The following AAGAB variants were observed in gnomAD, a reference collection of about 807,000 sequenced individuals.
AAGAB encodes alpha and gamma adaptin binding protein, also known as alpha- and gamma-adaptin-binding protein p34.
In AAGAB, 38 loss-of-function variants were observed where a neutral mutation model predicts 44.1. The observed-to-expected ratio is 0.86, with a 90% CI of 0.67 to 1.13. The LOEUF is 1.13. Among genes scored for constraint, AAGAB ranks in the 50% most tolerant of loss-of-function variants. The pLI, the probability that AAGAB is intolerant of heterozygous loss-of-function variation, is 0.00. For missense variants in AAGAB, 450 were observed against 373.8 expected, an observed-to-expected ratio of 1.20 and a Z score of -1.68; for synonymous variants, 131 against 131.8, an observed-to-expected ratio of 0.99 and a Z score of 0.04.
chr15:67,229,766 T>C (rs1964292331), intron 5 of AAGAB, among the ~76,000 whole-genome samples: 1 of 152,084 alleles, frequency 6.6e-6, no homozygotes, highest in African/African-American at 2.4e-5. Context: ...ATATTCTATT[T>C]TTATAAAACC....
intron 5 of AAGAB, among the ~76,000 whole-genome samples, chr15:67,213,370 TA>T (rs889393624): frequency 1.3e-5 from 2 of 152,102 alleles, no homozygotes; most frequent in Middle Eastern, 6.3e-3. Context: ...AATAAGAAGT[TA>T]AAAAAACTTG....
intron 1 of AAGAB, among the ~76,000 whole-genome samples, chr15:67,253,454 A>C (rs1033282294): frequency 6.6e-6 from 1 of 151,910 alleles, no homozygotes; most frequent in African/African-American, 2.4e-5. Flanking sequence ...AAAGGAGAGA[A>C]AAGAGAAAGT....
intron 1 of AAGAB, among the ~76,000 whole-genome samples, chr15:67,239,005 A>G (rs910069240): frequency 6.6e-6 from 1 of 152,202 alleles, no homozygotes; most frequent in African/African-American, 2.4e-5. Flanking sequence ...ATTCTTGGGT[A>G]ATTTTTAAAA....
intron 5 of AAGAB, among the ~76,000 whole-genome samples, chr15:67,228,425 T>C (rs1964254923): frequency 6.6e-6 from 1 of 152,154 alleles, no homozygotes; most frequent in Admixed American, 6.5e-5. Context: ...GATAACCACA[T>C]AAATGAAAAT....
intron 1 of AAGAB, among the ~76,000 whole-genome samples, chr15:67,240,268 T>A (rs998087623): frequency 6.6e-6 from 1 of 152,186 alleles, no homozygotes; most frequent in Non-Finnish European, 1.5e-5. Flanking sequence ...TTTTTTGTTG[T>A]TGTTTTTTTG....
chr15:67,224,876 T>A (rs1016140727), intron 5 of AAGAB, among the ~76,000 whole-genome samples: 7 of 152,254 alleles, frequency 4.6e-5, no homozygotes, highest in African/African-American at 1.7e-4. Context: ...CCACCGCACC[T>A]GGCCAAAAGT....
chr15:67,231,783 A>T, intron 5 of AAGAB, 31 bp downstream of exon 5: 1 of 1,517,190 alleles, frequency 6.6e-7, no homozygotes, highest in Non-Finnish European at 9.1e-7. Context: ...GAACAAGAGG[A>T]AAAAAATGAC....
intron 7 of AAGAB, among the ~76,000 whole-genome samples, chr15:67,204,780 C>A (rs763861226): frequency 1.3e-5 from 2 of 152,158 alleles, no homozygotes; most frequent in Non-Finnish European, 2.9e-5. Flanking sequence ...TGTTTTTAAT[C>A]AGAATTTTAA....
chr15:67,211,824 C>T (rs1963826991), intron 5 of AAGAB, among the ~76,000 whole-genome samples: 1 of 152,096 alleles, frequency 6.6e-6, no homozygotes, highest in South Asian at 2.1e-4. Context: ...AAGAATAATG[C>T]AATACAATGT....
At chr15:67,254,405 G>A in intron 1 of AAGAB, 154 bp downstream of exon 1, 1 of 1,427,658 alleles carries the variant, frequency 7.0e-7, no homozygotes. Flanking sequence ...AAGAGATAGG[G>A]GCAGCCACCT....
intron 5 of AAGAB, among the ~76,000 whole-genome samples, chr15:67,229,893 C>T (rs1406176762): frequency 6.6e-6 from 1 of 152,142 alleles, no homozygotes; most frequent in Non-Finnish European, 1.5e-5. Context: ...TGTCGCCAGA[C>T]TGGAGTGCAG....
intron 7 of AAGAB, 49 bp from the exon 8 acceptor site, chr15:67,204,197 CTACACTCAGAGAATCCTAAGGCAAATG>C: frequency 7.7e-7 from 1 of 1,303,694 alleles, no homozygotes; most frequent in Non-Finnish European, 1.1e-6. Context: ...TGCATATGTG[CTACACTCAGAGAATCCTAAGGCAAATG>C]CTAACCTTGA....
chr15:67,245,263 C>T (rs915666125), intron 1 of AAGAB, among the ~76,000 whole-genome samples: 8 of 152,168 alleles, frequency 5.3e-5, no homozygotes, highest in Admixed American at 1.3e-4. Flanking sequence ...ATCCAAATGT[C>T]CATCAACTGA....
chr15:67,254,373 G>A, intron 1 of AAGAB, 186 bp downstream of exon 1: 1 of 1,384,916 alleles, frequency 7.2e-7, no homozygotes, highest in Non-Finnish European at 9.4e-7. Context: ...AGAAGGCCGA[G>A]TGGGCAGAAA....
In AAGAB at chr15:67,201,248, G is replaced by C. The variant is rs15974; in HGVS notation, c.*1573C>G. ...CACCTCAAAGAAACACTGATGGGCT[G>C]GTGGTGAACCACAGACTCAAAGTCT... On this transcript the variant is annotated 3_prime_UTR_variant, in exon 10 of 10. Transcript: ENST00000261880. 43,336 of 147,112 alleles carry C rather than the reference G, an allele frequency of 0.29. 6,646 individuals are homozygous for C. The highest frequency in any genetic ancestry group is 0.37 in the South Asian group (1,707 of 4,612). The allele number at this position is 147,112 out of a possible 1,614,324, so 9.1% of individuals were successfully genotyped here. A position where few individuals can be genotyped will look rare whatever the true frequency, so the allele number is the denominator to read the frequency against.
intron 5 of AAGAB, among the ~76,000 whole-genome samples, chr15:67,212,782 T>C (rs1567017166): frequency 1.3e-5 from 2 of 152,228 alleles, no homozygotes. Flanking sequence ...CTATGGCTTT[T>C]AAAAAAATTC....
chr15:67,221,778 T>C (rs1461467317), intron 5 of AAGAB, among the ~76,000 whole-genome samples: 1 of 152,192 alleles, frequency 6.6e-6, no homozygotes, highest in Non-Finnish European at 1.5e-5. Context: ...CACAAACTAT[T>C]TGAAGGCAAG....
At chr15:67,242,013 G>T (rs973983933) in intron 1 of AAGAB, among the ~76,000 whole-genome samples, 1 of 152,160 alleles carries the variant, frequency 6.6e-6, no homozygotes, top group Non-Finnish European at 1.5e-5. Context: ...AGAGTCTGAC[G>T]TCAGCTGAAA....
chr15:67,241,221 G>GTAAC lies in AAGAB; in HGVS notation c.74-4402_74-4401insGTTA, dbSNP rs564592887. Among the ~76,000 whole-genome samples the GTAAC allele has an allele frequency of 1.5e-4, 23 of 152,240 alleles. No homozygotes were observed. In the South Asian group the frequency reaches 2.9e-3, roughly 19 times the overall value. On this transcript the variant is annotated intron_variant, in intron 1 of 9. Coordinates refer to ENST00000261880, the MANE Select transcript of AAGAB (RefSeq NM_024666.5). ...TCTCCTTCAGTAGTAGGGTAATTAAGTACACTTTTAATATCAGTAGTAGTG... is the reference window on the plus strand; with the variant it reads ...TCTCCTTCAGTAGTAGGGTAATTAAGTAACTACACTTTTAATATCAGTAGTAGTG...
Sources: gnomAD v4.1 joint callset for allele counts (sites outside exome capture counted in the v4.1 genomes callset) on GRCh38, gnomAD v4.1.1 for gene constraint, MANE v1.5 for transcripts, NCBI Gene and HGNC (gene_info 2026-07-23, HGNC 2026-07-21) for gene names.